Variants in NDUFS1 observed in about 807,000 individuals in gnomAD.
NDUFS1 encodes NADH:ubiquinone oxidoreductase core subunit S1.
In NDUFS1, 61 loss-of-function variants were observed where a neutral mutation model predicts 84.4. The ratio of observed to expected loss-of-function variants is 0.72; its 90% CI spans 0.59 to 0.89. The LOEUF (loss-of-function observed/expected upper bound fraction) is 0.89, where lower values mean the gene tolerates loss of function less well. Among genes scored for constraint, NDUFS1 ranks in the 40% least tolerant of loss-of-function variants. The probability of loss-of-function intolerance (pLI) is 0.00; values close to 1 mark genes in which losing one functional copy is unlikely to be tolerated. For missense variants in NDUFS1, 891 were observed against 890.0 expected, an observed-to-expected ratio of 1.00 and a Z score of -0.01; for synonymous variants, 275 against 290.0, an observed-to-expected ratio of 0.95 and a Z score of 0.53.
chr2:206,142,952 T>C, intron 10 of NDUFS1, 121 bp from the exon 11 acceptor site: 1 of 1,388,278 alleles, frequency 7.2e-7, no homozygotes, highest in Non-Finnish European at 9.9e-7. Flanking sequence ...AGACTTCTGA[T>C]TAAAAGTTTT....
intron 1 of NDUFS1, chr2:206,159,074 G>A (rs1028557671): frequency 9.8e-6 from 15 of 1,535,582 alleles, no homozygotes; most frequent in South Asian, 3.6e-5. Flanking sequence ...CCCTGCAGAG[G>A]GAAGGTCACC....
intron 1 of NDUFS1, among the ~76,000 whole-genome samples, chr2:206,158,003 G>A (rs2105779134): frequency 7.5e-6 from 1 of 133,858 alleles, no homozygotes; most frequent in South Asian, 2.2e-4. Context: ...TCGCTCTGTC[G>A]CCCAGGCTGG....
intron 15 of NDUFS1, among the ~76,000 whole-genome samples, chr2:206,129,261 TTTTTAA>T (rs1369094257): frequency 6.6e-6 from 1 of 152,262 alleles, no homozygotes; most frequent in South Asian, 2.1e-4. Flanking sequence ...GTTTATTTTG[TTTTTAA>T]TTTTATTAAA....
rs1559038555 is a variant in NDUFS1 at position 206,123,013 on chromosome 2, G to A, written c.*1172C>T. Reference sequence around the variant, plus strand: ...GGCCCCCCAAGTGTTGGGATTACAGGTGTAAGCCACCACACCCAACCTTAG... The same window carrying A: ...GGCCCCCCAAGTGTTGGGATTACAGATGTAAGCCACCACACCCAACCTTAG... On this transcript the variant is annotated 3_prime_UTR_variant, in exon 19 of 19. Coordinates refer to ENST00000233190, the MANE Select transcript of NDUFS1 (RefSeq NM_005006.7). 1 of 151,982 alleles carries A rather than the reference G, an allele frequency of 6.6e-6. No homozygotes were observed. Among genetic ancestry groups the A allele is most frequent in the Non-Finnish European group, 1.5e-5 (1 of 68,008 alleles). 9.4% of individuals were successfully genotyped at this position (151,982 alleles called of 1,614,324 possible). A position where few individuals can be genotyped will look rare whatever the true frequency, so the allele number is the denominator to read the frequency against.
intron 1 of NDUFS1, 116 bp downstream of exon 1, chr2:206,159,225 G>A (rs886292378): frequency 1.5e-6 from 2 of 1,327,386 alleles, no homozygotes; most frequent in African/African-American, 2.9e-5. Context: ...GGCGGGAGGC[G>A]GCGCCCAGTC....
At position 206,142,675 on chromosome 2, in the gene NDUFS1, A is replaced by G. The variant is rs372769895; in HGVS notation, c.1133+11T>C. On this transcript the variant is annotated intron_variant, in intron 11 of 18. Transcript: ENST00000233190. Reference sequence around the variant, plus strand: ...AAAGGAAAGCCTAGATCCTAGCTTCATATTTCTCACCCAGCTCCTGCAGTG... The same window carrying G: ...AAAGGAAAGCCTAGATCCTAGCTTCGTATTTCTCACCCAGCTCCTGCAGTG... 5.3e-5 allele frequency: 85 copies of G among 1,614,182 alleles called. No homozygotes were observed. In the African/African-American group the frequency reaches 7.3e-4, roughly 14 times the overall value.
intron 16 of NDUFS1, among the ~76,000 whole-genome samples, chr2:206,127,176 T>C (rs2105944411): frequency 6.6e-6 from 1 of 152,352 alleles, no homozygotes; most frequent in South Asian, 2.1e-4. Context: ...TACTTTTACA[T>C]CAATAAAGAG....
intron 16 of NDUFS1, 100 bp from the exon 17 acceptor site, chr2:206,126,944 T>C: frequency 7.0e-7 from 1 of 1,438,084 alleles, no homozygotes. Flanking sequence ...GCAGCACTAC[T>C]GAAAAACCTA....
intron 1 of NDUFS1, among the ~76,000 whole-genome samples, chr2:206,155,544 A>C (rs1436790251): frequency 6.6e-6 from 1 of 152,010 alleles, no homozygotes; most frequent in Non-Finnish European, 1.5e-5. Context: ...CAGCCTCCCG[A>C]GTAGTTGGGA....
chr2:206,118,517 T>C lies in NDUFS1; in HGVS notation c.*5668A>G, dbSNP rs1559036351. 1 of 152,232 alleles carries C rather than the reference T, an allele frequency of 6.6e-6. No homozygotes were observed. The highest frequency in any genetic ancestry group is 2.4e-5 in the African/African-American group (1 of 41,400). 9.4% of individuals were successfully genotyped at this position (152,232 alleles called of 1,614,324 possible). A position where few individuals can be genotyped will look rare whatever the true frequency, so the allele number is the denominator to read the frequency against. ...GGCGTGTGCCTGTAGTCCCAGCCACTTGGGAGACTGAAGTGGGAGGATGGC... is the reference window on the plus strand; with the variant it reads ...GGCGTGTGCCTGTAGTCCCAGCCACCTGGGAGACTGAAGTGGGAGGATGGC... On this transcript the variant is annotated 3_prime_UTR_variant, in exon 19 of 19. Transcript: ENST00000233190.
In NDUFS1 at chr2:206,126,526, G is replaced by C; in HGVS notation, c.2092+13C>G. ...CTTTCGTATTTGGCAGAGTCATGTT[G>C]ACAATTACATACCTGTCATGTAGAA... is the stretch of plus-strand genomic sequence containing the variant. On this transcript the variant is annotated intron_variant, in intron 18 of 18. Transcript: ENST00000233190. The C allele has an allele frequency of 1.9e-6, 3 of 1,613,064 alleles. No homozygotes were observed. Among genetic ancestry groups the C allele is most frequent in the Non-Finnish European group, 2.5e-6 (3 of 1,179,178 alleles).
intron 8 of NDUFS1, among the ~76,000 whole-genome samples, chr2:206,146,506 T>G (rs999881590): frequency 7.2e-5 from 11 of 152,310 alleles, no homozygotes; most frequent in Middle Eastern, 3.4e-3. Flanking sequence ...AACAGCAATA[T>G]TTTTTACAGA....
chr2:206,131,960 A>AATG (rs1349408887), intron 14 of NDUFS1, among the ~76,000 whole-genome samples: 2 of 151,004 alleles, frequency 1.3e-5, no homozygotes, highest in African/African-American at 4.9e-5. Flanking sequence ...TAATAATAAT[A>AATG]ATAAAATAAA....
At chr2:206,127,605 G>A in intron 16 of NDUFS1, 192 bp downstream of exon 16, 1 of 607,714 alleles carries the variant, frequency 1.6e-6, no homozygotes, top group Non-Finnish European at 2.9e-6. Flanking sequence ...TCAGGCTGGA[G>A]TGCAGCGGTG....
chr2:206,131,819 G>A (rs1415533156), intron 14 of NDUFS1, among the ~76,000 whole-genome samples: 4 of 152,066 alleles, frequency 2.6e-5, no homozygotes, highest in Admixed American at 2.6e-4. Context: ...CGCGCCTGTA[G>A]TCCCAGCTAC....
At position 206,147,794 on chromosome 2, in the gene NDUFS1, C is replaced by A. The variant is rs1692216410; in HGVS notation, c.379G>T (p.Asp127Tyr). 1 of 1,614,146 alleles carries A rather than the reference C, an allele frequency of 6.2e-7. No individual in the cohort carries two copies. Among genetic ancestry groups the A allele is most frequent in the Non-Finnish European group, 8.5e-7 (1 of 1,179,994 alleles). The change falls in exon 6 of 19, where the codon GAC (aspartate) becomes TAC (tyrosine). Residue 127 changes from aspartate to tyrosine, a missense_variant. Physicochemically the swap from Asp to Tyr is radical, Grantham distance 160. Coordinates refer to ENST00000233190, the MANE Select transcript of NDUFS1 (RefSeq NM_005006.7). ...MEFLLANHPL[D>Y]CPICDQGGEC... ...CCTCCCTGGTCACAAATAGGACAGT[C>A]CAATGGGTGATTTGCTAATAAGAAC...
In NDUFS1 at chr2:206,124,210, G is replaced by A; in HGVS notation, c.2159C>T (p.Ala720Val). 1.2e-6 allele frequency: 2 copies of A among 1,612,862 alleles called. No individual in the cohort carries two copies. Among genetic ancestry groups the A allele is most frequent in the Non-Finnish European group, 1.7e-6 (2 of 1,178,908 alleles). Residue 720 changes from alanine to valine, a missense_variant, in exon 19 of 19, where the codon GCA becomes GTA. Transcript: ENST00000233190. ...TCAGCATATGGATGGTTCCTCTACT[G>A]CCTGGGCACCCTCTGTGACAGCTTT... ...CVKAVTEGAQ[A>V]VEEPSIC
At chr2:206,129,985 C>T in intron 15 of NDUFS1, 103 bp downstream of exon 15, 1 of 1,463,056 alleles carries the variant, frequency 6.8e-7, no homozygotes, top group Non-Finnish European at 9.5e-7. Context: ...AGGCAAAATT[C>T]TCAAATGGAA....
chr2:206,137,544 T>A (rs79819382), intron 13 of NDUFS1, among the ~76,000 whole-genome samples: 8,535 of 151,708 alleles, frequency 0.056, 304 homozygotes, highest in African/African-American at 0.097. Context: ...GTTTACATGC[T>A]TCTTCACTAA....
Sources: gnomAD v4.1 joint callset for allele counts (sites outside exome capture counted in the v4.1 genomes callset) on GRCh38, gnomAD v4.1.1 for gene constraint, MANE v1.5 for transcripts, NCBI Gene and HGNC (gene_info 2026-07-23, HGNC 2026-07-21) for gene names.